DENND4A: variants seen among roughly 807,000 people sequenced by gnomAD.
DENND4A encodes the protein C-myc promoter-binding protein.
In DENND4A, 70 loss-of-function variants were observed where a neutral mutation model predicts 199.3. The ratio of observed to expected loss-of-function variants is 0.35; its 90% CI spans 0.29 to 0.43. DENND4A has a LOEUF of 0.43. Ranked by LOEUF, DENND4A falls within the 20% of genes least tolerant of loss-of-function variation. DENND4A has a pLI of 1.00. For missense variants in DENND4A, 1,723 were observed against 2,255.8 expected (o/e 0.76, Z 4.78); for synonymous variants, 686 against 766.9 (o/e 0.89, Z 1.74).
At chr15:65,746,797 G>A (rs957037701) in intron 4 of DENND4A, among the ~76,000 whole-genome samples, 1 of 151,798 alleles carries the variant, frequency 6.6e-6, no homozygotes, top group African/African-American at 2.4e-5. Context: ...ACTCAGCCAG[G>A]TGCAGTGGCT....
chr15:65,735,466 C>T (rs1006301876), intron 7 of DENND4A, among the ~76,000 whole-genome samples: 1 of 152,178 alleles, frequency 6.6e-6, no homozygotes, highest in African/African-American at 2.4e-5. Context: ...TTTGCACTGA[C>T]AGTGCAAGAG....
At chr15:65,733,956 G>A (rs545159434) in intron 7 of DENND4A, among the ~76,000 whole-genome samples, 24 of 152,332 alleles carry the variant, frequency 1.6e-4, no homozygotes, top group African/African-American at 5.3e-4. Context: ...GCGGAAGGCC[G>A]CAGGGACCTC....
At chr15:65,723,824 T>C (rs942301922) in intron 11 of DENND4A, among the ~76,000 whole-genome samples, 1 of 152,184 alleles carries the variant, frequency 6.6e-6, no homozygotes, top group Non-Finnish European at 1.5e-5. Flanking sequence ...ACTGTACTCA[T>C]GTACTTTCAG....
At chr15:65,788,222 G>A (rs1334058706) in intron 1 of DENND4A, among the ~76,000 whole-genome samples, 4 of 151,844 alleles carry the variant, frequency 2.6e-5, no homozygotes, top group Non-Finnish European at 4.4e-5. Context: ...GACTACAGGC[G>A]CCTGCCACCA....
chr15:65,741,766 A>T lies in DENND4A; in HGVS notation c.580T>A (p.Leu194Met), dbSNP rs548096994. ...TTTGCCACCGATTTTTTATAACACA[A>T]GTATACTGCTGATCCCCACTGGATT... ...NNSMWGSAVY[L>M]CYKKSVAKTN... The change falls in exon 5 of 33, where the codon TTG becomes ATG. Residue 194 changes from leucine (L) to methionine (M), a missense_variant. This residue lies in a region of DENND4A where 725 missense variants were observed against 952.9 expected (regional missense o/e 0.76). Transcript: ENST00000443035. The T allele has an allele frequency of 2.5e-6, 4 of 1,612,338 alleles. No individual in the cohort carries two copies. The highest frequency in any genetic ancestry group is 3.4e-6 in the Non-Finnish European group (4 of 1,179,114).
In DENND4A at chr15:65,744,176, A is replaced by G. The variant is rs149714567; in HGVS notation, c.562-2392T>C. ...ATTCTGAAAATACAGACAAAAAAAA[A>G]TCCTATCTGATTATATGAAGTACAG... On this transcript the variant is annotated intron_variant, in intron 4 of 32. Transcript: ENST00000443035. 2.2e-3 allele frequency among the ~76,000 whole-genome samples: 342 copies of G among 152,336 alleles called. 2 individuals are homozygous for G. The highest frequency in any genetic ancestry group is 8.0e-3 in the African/African-American group (334 of 41,568).
rs768513479 is a variant in DENND4A at position 65,667,551 on chromosome 15, T to A, written c.5139A>T (p.Pro1713=). ...ITVADFVDHH[P]IVFWNLVWYF... is the part of the protein sequence containing the mutation. ...ACCATACCAGGTTCCAAAAAACAAT[T>A]GGATGATGGTCCACAAAGTCTGCTA... The change falls in exon 29 of 33, where the codon CCA becomes CCT. Residue 1713 remains proline (P), a synonymous_variant. Coordinates refer to ENST00000443035, the MANE Select transcript of DENND4A (RefSeq NM_001320835.1). 1 of 1,613,928 alleles carries A rather than the reference T, an allele frequency of 6.2e-7. No homozygotes were observed.
chr15:65,715,781 T>C (rs966349806), intron 13 of DENND4A, among the ~76,000 whole-genome samples, 158 bp from the exon 14 acceptor site: 1 of 152,010 alleles, frequency 6.6e-6, no homozygotes, highest in African/African-American at 2.4e-5. Flanking sequence ...GACAAAGAAA[T>C]AGGAGAATAG....
At chr15:65,677,246 T>A (rs1318149540) in intron 23 of DENND4A, among the ~76,000 whole-genome samples, 1 of 152,222 alleles carries the variant, frequency 6.6e-6, no homozygotes, top group East Asian at 1.9e-4. Flanking sequence ...GGGTCCACTC[T>A]GCTTTCCAGG....
chr15:65,659,325 T>TTTTTTTG lies in DENND4A; in HGVS notation c.*2525_*2526insCAAAAAA. The TTTTTTTG allele has an allele frequency of 2.4e-5, 2 of 82,782 alleles. No individual in the cohort carries two copies. The highest frequency in any genetic ancestry group is 1.4e-4 in the African/African-American group (2 of 13,992). The allele number at this position is 82,782 out of a possible 1,614,324, so 5.1% of individuals were successfully genotyped here. On this transcript the variant is annotated 3_prime_UTR_variant, in exon 33 of 33. Coordinates refer to ENST00000443035, the MANE Select transcript of DENND4A (RefSeq NM_001320835.1). The stretch of plus-strand genomic sequence containing the variant: ...TTTAAATGATTGATATTTTCTGGTT[T>TTTTTTTG]TTTTTTTTTTTTTTTTTTTTTTTTT...
At chr15:65,723,369 A>G (rs2075705712) in intron 11 of DENND4A, among the ~76,000 whole-genome samples, 1 of 152,160 alleles carries the variant, frequency 6.6e-6, no homozygotes, top group South Asian at 2.1e-4. Context: ...CAGTAAATTC[A>G]TGATCCACAG....
intron 23 of DENND4A, among the ~76,000 whole-genome samples, chr15:65,685,112 C>T (rs2076718589): frequency 6.6e-6 from 1 of 151,724 alleles, no homozygotes; most frequent in South Asian, 2.1e-4. Flanking sequence ...CAGGCATGAG[C>T]CACCACGCCC....
At chr15:65,761,913 C>T (rs1222769975) in intron 1 of DENND4A, among the ~76,000 whole-genome samples, 1 of 152,146 alleles carries the variant, frequency 6.6e-6, no homozygotes, top group Non-Finnish European at 1.5e-5. Flanking sequence ...AGTACTTTCC[C>T]TTTATTACAA....
At chr15:65,788,244 T>C (rs1301430297) in intron 1 of DENND4A, among the ~76,000 whole-genome samples, 1 of 151,976 alleles carries the variant, frequency 6.6e-6, no homozygotes, top group Non-Finnish European at 1.5e-5. Context: ...GCCCGGCTAA[T>C]TTTTTGTATT....
chr15:65,772,000 T>G, intron 1 of DENND4A: 1 of 1,478,858 alleles, frequency 6.8e-7, no homozygotes, highest in Non-Finnish European at 9.4e-7. Flanking sequence ...ATTTTTATAT[T>G]TGTTTATGCG....
rs540242831 is a variant in DENND4A, at chr15:65,749,110, G to A, written c.561+3269C>T. Among the ~76,000 whole-genome samples, 5 of 151,960 alleles carry A rather than the reference G, an allele frequency of 3.3e-5. No individual in the cohort carries two copies. In the South Asian group the frequency reaches 8.3e-4, roughly 25 times the overall value. On this transcript the variant is annotated intron_variant, in intron 4 of 32. Coordinates refer to ENST00000443035, the MANE Select transcript of DENND4A (RefSeq NM_001320835.1). ...TTATGAAAAAAAAACCAATATTCTCGTACTTTATTGGTAGGAATTTTAATT... is the reference window on the plus strand; with the variant it reads ...TTATGAAAAAAAAACCAATATTCTCATACTTTATTGGTAGGAATTTTAATT...
chr15:65,683,198 C>T (rs776382783), intron 23 of DENND4A, among the ~76,000 whole-genome samples: 52 of 152,136 alleles, frequency 3.4e-4, no homozygotes, highest in Non-Finnish European at 6.9e-4. Flanking sequence ...TAAAATGAGA[C>T]CTGCCTACGC....
At chr15:65,768,024 T>G (rs1443287141) in intron 1 of DENND4A, among the ~76,000 whole-genome samples, 1 of 152,122 alleles carries the variant, frequency 6.6e-6, no homozygotes, top group Non-Finnish European at 1.5e-5. Context: ...CAGAGAGAAA[T>G]ATGTAACCAC....
rs576325247 is a variant in DENND4A, at chr15:65,671,682, G to A, written c.4464+110C>T. On this transcript the variant is annotated intron_variant, in intron 25 of 32. Transcript: ENST00000443035. ...TGGGATTACAGGCGTGAGCCACCGC[G>A]CCCAGCCTATGTATTTAACTTCTAT... The A allele has an allele frequency of 5.0e-4, 388 of 777,134 alleles. 3 individuals are homozygous for A. The highest frequency in any genetic ancestry group is 4.0e-3 in the East Asian group (158 of 39,608). The allele number at this position is 777,134 out of a possible 1,614,324, so 48.1% of individuals were successfully genotyped here.
Sources: gnomAD v4.1 joint callset for allele counts (sites outside exome capture counted in the v4.1 genomes callset) on GRCh38, gnomAD v4.1.1 for gene constraint, gnomAD v4.1.1 regional missense constraint, MANE v1.5 for transcripts, NCBI Gene and HGNC (gene_info 2026-07-23, HGNC 2026-07-21) for gene names.